N4BP2: variants seen among roughly 807,000 people sequenced by gnomAD.
The protein encoded by N4BP2 is NEDD4-binding protein 2.
N4BP2 carries 91 observed loss-of-function variants against 152.8 expected under a neutral mutation model. That is an observed-to-expected ratio of 0.60 (90% CI 0.50 to 0.71). N4BP2 has a LOEUF of 0.71. N4BP2 is among the 30% of genes least tolerant of loss of function. N4BP2 has a pLI of 0.00. For missense variants in N4BP2, 1,923 were observed against 2,059.1 expected (o/e 0.93, Z 1.28); for synonymous variants, 646 against 705.3 (o/e 0.92, Z 1.33).
the N4BP2 span, among the ~76,000 whole-genome samples, chr4:40,173,422 A>G: frequency 6.6e-6 from 1 of 152,172 alleles, no homozygotes; most frequent in African/African-American, 2.4e-5. Context: ...GGATTTACAC[A>G]ATAGCAGGAA....
rs560990401 is a variant in N4BP2, at chr4:40,067,544, A to G, written c.-211-5911A>G. Reference sequence around the variant, plus strand: ...CTGTTATTAATTATTTTGGATATGTACCCTGAAGTGGAATTGCTGGATCAT... The same window carrying G: ...CTGTTATTAATTATTTTGGATATGTGCCCTGAAGTGGAATTGCTGGATCAT... On this transcript the variant is annotated intron_variant, in intron 1 of 17. Transcript: ENST00000261435. 1.4e-3 allele frequency among the ~76,000 whole-genome samples: 217 copies of G among 151,874 alleles called. 1 individual carries two copies. The highest frequency in any genetic ancestry group is 4.9e-3 in the African/African-American group (201 of 41,392).
chr4:40,076,023 C>G (rs1712695870), intron 2 of N4BP2, among the ~76,000 whole-genome samples: 1 of 151,900 alleles, frequency 6.6e-6, no homozygotes, highest in Non-Finnish European at 1.5e-5. Flanking sequence ...ATGTGTTCTC[C>G]CTATGTTGCC....
chr4:40,102,611 A>G lies in N4BP2; in HGVS notation c.766A>G (p.Ile256Val), dbSNP rs1214889643. 3.7e-6 allele frequency: 6 copies of G among 1,614,220 alleles called. No homozygotes were observed. Among genetic ancestry groups the G allele is most frequent in the Middle Eastern group, 1.6e-4 (1 of 6,062 alleles). ...SSSLNVASDSIAGCSSLNQKQ... is the reference protein window; with the variant it reads ...SSSLNVASDSVAGCSSLNQKQ... ...TTCTTTAAATGTAGCAAGTGACTCC[A>G]TCGCAGGTTGTAGCAGTCTCAATCA... is the stretch of plus-strand genomic sequence containing the variant. The change falls in exon 4 of 18, where the codon ATC becomes GTC. Residue 256 changes from isoleucine (I) to valine (V), a missense_variant. Transcript: ENST00000261435.
In N4BP2 at chr4:40,097,262, C is replaced by A; in HGVS notation, c.-79C>A. 8.6e-7 allele frequency: 1 copy of A among 1,160,740 alleles called. No individual in the cohort carries two copies. The allele number at this position is 1,160,740 out of a possible 1,614,324, so 71.9% of individuals were successfully genotyped here. ...TGCTGGATTGTGCAAGATATTTAAC[C>A]CTATTTTGTTTGAATTATGACTTAA... On this transcript the variant is annotated 5_prime_UTR_variant, in exon 3 of 18. Transcript: ENST00000261435.
chr4:40,064,455 A>G (rs1342857370), intron 1 of N4BP2, among the ~76,000 whole-genome samples: 1 of 151,904 alleles, frequency 6.6e-6, no homozygotes, highest in Non-Finnish European at 1.5e-5. Flanking sequence ...TTGTATTTTT[A>G]GTAGAGACGG....
chr4:40,171,150 A>G, the N4BP2 span, among the ~76,000 whole-genome samples: 1 of 152,224 alleles, frequency 6.6e-6, no homozygotes, highest in East Asian at 1.9e-4. Context: ...GCATATTTAA[A>G]GGACTGGGCT....
chr4:40,157,159 T>C lies in N4BP2; in HGVS notation c.*2922T>C, dbSNP rs1178061955. On this transcript the variant is annotated 3_prime_UTR_variant, in exon 18 of 18. Transcript: ENST00000261435. ...CAGGGAGATATTAGACACTTAACAGTATTTTCAGTCTGTCCATCTCTTTAT... is the reference window on the plus strand; with the variant it reads ...CAGGGAGATATTAGACACTTAACAGCATTTTCAGTCTGTCCATCTCTTTAT... The C allele has an allele frequency of 6.6e-6, 1 of 152,044 alleles. No homozygotes were observed. The highest frequency in any genetic ancestry group is 1.5e-5 in the Non-Finnish European group (1 of 67,968). The allele number at this position is 152,044 out of a possible 1,614,324, so 9.4% of individuals were successfully genotyped here.
intron 14 of N4BP2, 46 bp downstream of exon 14, chr4:40,137,128 A>T: frequency 7.1e-7 from 1 of 1,413,456 alleles, no homozygotes; most frequent in South Asian, 1.4e-5. Context: ...ATAATTGCAT[A>T]TAAAAATATA....
chr4:40,078,145 G>GTGTGTA lies in N4BP2; in HGVS notation c.-115+4597_-115+4598insGTATGT, dbSNP rs1168319413. ...TGTGTGTGTGTGTGTGTGTGTGTGT[G>GTGTGTA]TGTATGTGTGTATTTATTATTATTA... On this transcript the variant is annotated intron_variant, in intron 2 of 17. Transcript: ENST00000261435. 1.7e-4 allele frequency among the ~76,000 whole-genome samples: 25 copies of GTGTGTA among 150,708 alleles called. No individual in the cohort carries two copies. The East Asian group carries it at 4.1e-3, about 25-fold the overall frequency.
At chr4:40,071,229 G>A (rs575750101) in intron 1 of N4BP2, among the ~76,000 whole-genome samples, 2 of 152,158 alleles carry the variant, frequency 1.3e-5, no homozygotes, top group East Asian at 1.9e-4. Context: ...CTGTTGAGAC[G>A]ATTACATTTT....
chr4:40,108,320 C>CT (rs202172201), intron 5 of N4BP2, among the ~76,000 whole-genome samples: 9,868 of 147,074 alleles, frequency 0.067, 376 homozygotes, highest in Non-Finnish European at 0.087. Context: ...TTGGTTTACT[C>CT]TTTTTTTTTT....
the N4BP2 span, chr4:40,167,957 G>T: frequency 6.6e-6 from 1 of 152,106 alleles, no homozygotes; most frequent in Non-Finnish European, 1.5e-5. Flanking sequence ...TTATTGGGTG[G>T]AGGGAAAGCA....
intron 14 of N4BP2, among the ~76,000 whole-genome samples, chr4:40,141,110 C>T (rs983851345): frequency 6.6e-6 from 1 of 152,140 alleles, no homozygotes; most frequent in African/African-American, 2.4e-5. Context: ...CCGGGCACAC[C>T]TCCCAGATGG....
intron 13 of N4BP2, among the ~76,000 whole-genome samples, chr4:40,132,558 T>C (rs1369033430): frequency 6.6e-6 from 1 of 152,136 alleles, no homozygotes; most frequent in African/African-American, 2.4e-5. Context: ...TTTTAAGGAC[T>C]TTAATTCCAT....
rs375290380 is a variant in N4BP2, at chr4:40,110,954, A to C, written c.1499-1130A>C. 4.6e-5 allele frequency among the ~76,000 whole-genome samples: 7 copies of C among 152,358 alleles called. No homozygotes were observed. The East Asian group carries it at 1.2e-3, about 25-fold the overall frequency. ...TTGTAAGACTTACTTGTTGTGGTAC[A>C]TCATTAATTTCCTGTATGGTCTAAT... On this transcript the variant is annotated intron_variant, in intron 5 of 17. Coordinates refer to ENST00000261435, the MANE Select transcript of N4BP2 (RefSeq NM_018177.6).
rs759866611 is a variant in N4BP2 at position 40,121,172 on chromosome 4, G to A, written c.3061G>A (p.Asp1021Asn). The A allele has an allele frequency of 2.5e-6, 4 of 1,613,950 alleles. No homozygotes were observed. In the Admixed American group the frequency reaches 5.0e-5, roughly 20 times the overall value. ...CATGTGCACCCAGACTGAACCACAG[G>A]ATTTTGCTCTTTTATGGAAAATAGA... is the stretch of plus-strand genomic sequence containing the variant. ...VGMCTQTEPQ[D>N]FALLWKIEKN... The change falls in exon 9 of 18, where the codon GAT becomes AAT. Residue 1021 changes from aspartate (D) to asparagine (N), a missense_variant. Coordinates refer to ENST00000261435, the MANE Select transcript of N4BP2 (RefSeq NM_018177.6).
At chr4:40,136,684 G>A (rs1719438813) in intron 13 of N4BP2, among the ~76,000 whole-genome samples, 1 of 152,180 alleles carries the variant, frequency 6.6e-6, no homozygotes, top group South Asian at 2.1e-4. Flanking sequence ...TACTGTGCCT[G>A]GCTGAATTAC....
chr4:40,078,833 A>C (rs193101397), intron 2 of N4BP2, among the ~76,000 whole-genome samples: 1 of 152,172 alleles, frequency 6.6e-6, no homozygotes, highest in African/African-American at 2.4e-5. Context: ...TTGGCCTCAG[A>C]ATTAGTATCA....
the N4BP2 span, among the ~76,000 whole-genome samples, chr4:40,178,186 A>G: frequency 6.6e-6 from 1 of 152,106 alleles, no homozygotes; most frequent in Non-Finnish European, 1.5e-5. Context: ...AGAACCCAAC[A>G]AAACAAAACA....
Sources: allele counts gnomAD v4.1 joint callset (sites outside exome capture counted in the v4.1 genomes callset), GRCh38; gene constraint gnomAD v4.1.1; transcripts MANE v1.5; gene names NCBI Gene and HGNC (gene_info 2026-07-23, HGNC 2026-07-21).